Variants in TLK2 observed in about 807,000 individuals in gnomAD.
TLK2 encodes the protein tousled like kinase 2.
A neutral mutation model predicts 117.3 loss-of-function variants in TLK2; 6 were observed. That is an observed-to-expected ratio of 0.05 (90% CI 0.03 to 0.10). TLK2 has a LOEUF of 0.10. TLK2 is among the 10% of genes least tolerant of loss of function. The pLI, the probability that TLK2 is intolerant of heterozygous loss-of-function variation, is 1.00. For missense variants in TLK2, 299 were observed against 901.2 expected, an observed-to-expected ratio of 0.33 and a Z score of 8.56; for synonymous variants, 257 against 316.7, an observed-to-expected ratio of 0.81 and a Z score of 2.00.
Position 62,510,686 on chromosome 17 carries a change from G to A in TLK2, c.82-10087G>A, listed in dbSNP as rs115515608. Among the ~76,000 whole-genome samples, 899 of 152,250 alleles carry A rather than the reference G, an allele frequency of 5.9e-3. 7 individuals are homozygous for A. The highest frequency in any genetic ancestry group is 0.02 in the African/African-American group (816 of 41,548). On this transcript the variant is annotated intron_variant, in intron 2 of 21. Transcript: ENST00000346027. ...CCTCTGTGTGCATACATGTCTGTGC[G>A]TGCTCACTTGCTCTCTCTCATTCTT... is the stretch of plus-strand genomic sequence containing the variant.
At chr17:62,558,083 G>A (rs551483599) in intron 9 of TLK2, among the ~76,000 whole-genome samples, 5 of 152,050 alleles carry the variant, frequency 3.3e-5, no homozygotes, top group African/African-American at 4.8e-5. Context: ...TCTTTCAGAC[G>A]TCATTCATTG....
intron 19 of TLK2, among the ~76,000 whole-genome samples, chr17:62,604,964 A>G (rs901337066): frequency 2.0e-5 from 3 of 152,206 alleles, no homozygotes; most frequent in Non-Finnish European, 4.4e-5. Context: ...AGTCACAAAT[A>G]TATTTAAATG....
intron 10 of TLK2, among the ~76,000 whole-genome samples, chr17:62,563,346 A>G (rs2079452132): frequency 6.6e-6 from 1 of 152,194 alleles, no homozygotes; most frequent in Non-Finnish European, 1.5e-5. Context: ...CAGGAGGCTG[A>G]GGTGGGAGGA....
intron 15 of TLK2, among the ~76,000 whole-genome samples, chr17:62,584,333 TCTC>T (rs1187079689): frequency 4.0e-5 from 6 of 151,834 alleles, no homozygotes; most frequent in Non-Finnish European, 5.9e-5. Context: ...GTTAGGATGG[TCTC>T]GATCTCCCGA....
At chr17:62,578,059 A>G (rs568110049) in intron 13 of TLK2, among the ~76,000 whole-genome samples, 1 of 152,334 alleles carries the variant, frequency 6.6e-6, no homozygotes, top group African/African-American at 2.4e-5. Context: ...AAAAATAAAA[A>G]TAAGTAGAAC....
chr17:62,478,507 C>T (rs1355836181), upstream of TLK2, among the ~76,000 whole-genome samples: 4 of 149,678 alleles, frequency 2.7e-5, no homozygotes, highest in South Asian at 6.2e-4. Flanking sequence ...AGTCGCAGGG[C>T]GCCCCGGGCC....
chr17:62,548,240 A>ATGTGTGTGTGTGTGTGTG (rs59375141), intron 7 of TLK2, among the ~76,000 whole-genome samples: 26 of 121,292 alleles, frequency 2.1e-4, no homozygotes, highest in Admixed American at 5.5e-4. Flanking sequence ...ATATATATAT[A>ATGTGTGTGTGTGTGTGTG]TGTGTGTGTG....
chr17:62,484,422 G>C (rs941881016), intron 2 of TLK2, among the ~76,000 whole-genome samples: 2 of 151,638 alleles, frequency 1.3e-5, no homozygotes. Context: ...TCAGCCTCCC[G>C]AGTAGCTGGG....
chr17:62,503,909 T>A (rs1449150070), intron 2 of TLK2, among the ~76,000 whole-genome samples: 2 of 151,786 alleles, frequency 1.3e-5, no homozygotes, highest in East Asian at 3.9e-4. Context: ...TTTTTTTGTA[T>A]TTTTAGTAGA....
chr17:62,480,948 A>G (rs2071571951), intron 1 of TLK2, among the ~76,000 whole-genome samples, 173 bp from the exon 2 acceptor site: 1 of 152,212 alleles, frequency 6.6e-6, no homozygotes, highest in Non-Finnish European at 1.5e-5. Context: ...ACTTTTCAAT[A>G]TATTACTGTT....
chr17:62,541,134 ACC>A (rs2077502120), intron 7 of TLK2, among the ~76,000 whole-genome samples: 1 of 152,016 alleles, frequency 6.6e-6, no homozygotes, highest in Non-Finnish European at 1.5e-5. Flanking sequence ...AGAGAGGCCT[ACC>A]CTGGCCACAC....
intron 6 of TLK2, among the ~76,000 whole-genome samples, chr17:62,527,189 C>T (rs1301024907): frequency 6.6e-6 from 1 of 152,176 alleles, no homozygotes; most frequent in Non-Finnish European, 1.5e-5. Context: ...CAAAAATGAC[C>T]TTAGCTAAGC....
chr17:62,475,536 G>A (rs1348887039), upstream of TLK2, among the ~76,000 whole-genome samples: 2 of 152,118 alleles, frequency 1.3e-5, no homozygotes, highest in East Asian at 3.9e-4. Flanking sequence ...AGCAGAGATG[G>A]GGTTTCACCA....
intron 18 of TLK2, 36 bp downstream of exon 18, chr17:62,600,856 T>C: frequency 6.5e-7 from 1 of 1,544,068 alleles, no homozygotes; most frequent in African/African-American, 1.4e-5. Flanking sequence ...ATTAGTGGGT[T>C]TTCTTTGGTC....
At position 62,564,950 on chromosome 17, in the gene TLK2, T is replaced by C. The variant is rs768486584; in HGVS notation, c.832-51T>C. On this transcript the variant is annotated intron_variant, in intron 10 of 21. Transcript: ENST00000346027. ...ATGTTTTAGTTTCTAAGAAGTGTCT[T>C]TATCCATGCTAATTGGTATTGAATT... The C allele has an allele frequency of 5.1e-6, 8 of 1,568,294 alleles. No individual in the cohort carries two copies. The East Asian group carries it at 1.8e-4, about 35-fold the overall frequency.
chr17:62,516,609 C>T (rs1296014618), intron 2 of TLK2: 2 of 1,610,188 alleles, frequency 1.2e-6, no homozygotes, highest in Non-Finnish European at 1.7e-6. Context: ...AGCCTCGGCA[C>T]TTGAGAGACT....
At position 62,488,636 on chromosome 17, in the gene TLK2, C is replaced by T. The variant is rs186628386; in HGVS notation, c.81+7430C>T. On this transcript the variant is annotated intron_variant, in intron 2 of 21. Coordinates refer to ENST00000346027, the MANE Select transcript of TLK2 (RefSeq NM_006852.6). ...CTGAAATTTCTGAAGTGTTTTTCTGCCCCCATTGCTACTGCCTTAATCCAG... is the reference window on the plus strand; with the variant it reads ...CTGAAATTTCTGAAGTGTTTTTCTGTCCCCATTGCTACTGCCTTAATCCAG... Among the ~76,000 whole-genome samples, 216 of 152,134 alleles carry T rather than the reference C, an allele frequency of 1.4e-3. 1 individual carries two copies. The highest frequency in any genetic ancestry group is 4.7e-3 in the African/African-American group (194 of 41,512).
At chr17:62,503,052 CTTTTTTTTTTTTT>C (rs535547546) in intron 2 of TLK2, among the ~76,000 whole-genome samples, 3 of 87,128 alleles carry the variant, frequency 3.4e-5, no homozygotes, top group Non-Finnish European at 6.4e-5. Flanking sequence ...TTTGGCTTAA[CTTTTTTTTTTTTT>C]TTTTTTTTTT....
upstream of TLK2, among the ~76,000 whole-genome samples, chr17:62,478,629 C>T (rs552582856): frequency 6.6e-6 from 1 of 150,932 alleles, no homozygotes; most frequent in Non-Finnish European, 1.5e-5. Flanking sequence ...CTGGTTAACC[C>T]CTGCCCGGCA....
Sources: allele counts gnomAD v4.1 joint callset (sites outside exome capture counted in the v4.1 genomes callset), GRCh38; gene constraint gnomAD v4.1.1; transcripts MANE v1.5; gene names NCBI Gene and HGNC (gene_info 2026-07-23, HGNC 2026-07-21).